HHAT: variants seen among roughly 807,000 people sequenced by gnomAD.
HHAT encodes the protein protein-cysteine N-palmitoyltransferase HHAT.
HHAT carries 47 observed loss-of-function variants against 70.8 expected under a neutral mutation model. The observed-to-expected ratio is 0.66, with a 90% CI of 0.53 to 0.85. The LOEUF is 0.85. HHAT is among the 40% of genes least tolerant of loss of function. The pLI, the probability that HHAT is intolerant of heterozygous loss-of-function variation, is 0.00. For missense variants in HHAT, 609 were observed against 604.8 expected, an observed-to-expected ratio of 1.01 and a Z score of -0.07; for synonymous variants, 228 against 247.6, an observed-to-expected ratio of 0.92 and a Z score of 0.74.
At chr1:210,454,054 T>A (rs566093619) in intron 7 of HHAT, among the ~76,000 whole-genome samples, 1 of 152,086 alleles carries the variant, frequency 6.6e-6, no homozygotes, top group Non-Finnish European at 1.5e-5. Context: ...ACCCATCAGA[T>A]CTTGTGAGAC....
chr1:210,370,234 G>GA (rs1197051171), intron 3 of HHAT, among the ~76,000 whole-genome samples: 7 of 138,092 alleles, frequency 5.1e-5, no homozygotes, highest in East Asian at 2.2e-4. Flanking sequence ...GGAGTGCAGT[G>GA]CATGATCTTG....
At chr1:210,385,494 T>TTTTGTGG (rs1263846153) in intron 3 of HHAT, among the ~76,000 whole-genome samples, 1 of 152,180 alleles carries the variant, frequency 6.6e-6, no homozygotes, top group Non-Finnish European at 1.5e-5. Flanking sequence ...TCTGCTGTGC[T>TTTTGTGG]GCCTGGCTGT....
chr1:210,490,844 A>G (rs548566986), intron 8 of HHAT, among the ~76,000 whole-genome samples: 1 of 152,290 alleles, frequency 6.6e-6, no homozygotes, highest in Non-Finnish European at 1.5e-5. Context: ...TCCAAAGTAG[A>G]GATTTTTACT....
Position 210,419,483 on chromosome 1 carries a change from C to A in HHAT, c.856+1158C>A, listed in dbSNP as rs369875662. ...TTCTCTCTCCTTTTGAGGACTCCCG[C>A]AGTGGCTGACTTCTGCCTGTGCTCT... On this transcript the variant is annotated intron_variant, in intron 7 of 11. Transcript: ENST00000261458. 3.2e-3 allele frequency among the ~76,000 whole-genome samples: 481 copies of A among 152,314 alleles called. 7 individuals are homozygous for A. Among genetic ancestry groups the A allele is most frequent in the African/African-American group, 0.011 (454 of 41,578 alleles).
chr1:210,562,102 T>C (rs2095628449), intron 9 of HHAT, among the ~76,000 whole-genome samples: 1 of 152,156 alleles, frequency 6.6e-6, no homozygotes, highest in Non-Finnish European at 1.5e-5. Context: ...ACCTTAATTA[T>C]GAGATTACAA....
At chr1:210,463,501 G>T (rs1434715912) in intron 7 of HHAT, among the ~76,000 whole-genome samples, 1 of 152,066 alleles carries the variant, frequency 6.6e-6, no homozygotes. Context: ...TCCTTTTTAT[G>T]GTCTATTGTA....
intron 9 of HHAT, among the ~76,000 whole-genome samples, chr1:210,572,192 C>T (rs972079378): frequency 2.2e-4 from 33 of 152,228 alleles, no homozygotes; most frequent in African/African-American, 6.5e-4. Flanking sequence ...TGATAGGGAT[C>T]GTGAATCATA....
At chr1:210,534,038 T>A (rs971828658) in intron 9 of HHAT, among the ~76,000 whole-genome samples, 2 of 151,640 alleles carry the variant, frequency 1.3e-5, no homozygotes, top group African/African-American at 4.9e-5. Flanking sequence ...AAATGAGGAG[T>A]CTCAGGCTAC....
At chr1:210,653,144 TACA>T (rs1202308689) in intron 11 of HHAT, among the ~76,000 whole-genome samples, 5 of 152,026 alleles carry the variant, frequency 3.3e-5, no homozygotes, top group African/African-American at 1.2e-4. Flanking sequence ...CATACATACA[TACA>T]TACATACATG....
intron 1 of HHAT, among the ~76,000 whole-genome samples, chr1:210,341,481 A>G (rs2086036982): frequency 6.6e-6 from 1 of 152,218 alleles, no homozygotes; most frequent in Admixed American, 6.5e-5. Context: ...ATCAAGGAAC[A>G]GGATTTCTGC....
chr1:210,593,041 C>T (rs1662116353), intron 10 of HHAT, among the ~76,000 whole-genome samples: 1 of 152,100 alleles, frequency 6.6e-6, no homozygotes, highest in African/African-American at 2.4e-5. Flanking sequence ...TCCCCCACCC[C>T]ACGACAGACA....
At position 210,428,751 on chromosome 1, in the gene HHAT, T is replaced by C. The variant is rs550477564; in HGVS notation, c.856+10426T>C. Among the ~76,000 whole-genome samples the C allele has an allele frequency of 9.6e-4, 145 of 151,538 alleles. 2 individuals are homozygous for C. Among genetic ancestry groups the C allele is most frequent in the Admixed American group, 1.4e-3 (22 of 15,260 alleles). On this transcript the variant is annotated intron_variant, in intron 7 of 11. Transcript: ENST00000261458. Reference sequence around the variant, plus strand: ...CAGCACTTTGGAAGGCTAAGGCGAGTGGATGGCTTGAGTCCAGGAGTTTGA... The same window carrying C: ...CAGCACTTTGGAAGGCTAAGGCGAGCGGATGGCTTGAGTCCAGGAGTTTGA...
intron 3 of HHAT, among the ~76,000 whole-genome samples, chr1:210,370,268 G>C (rs984934398): frequency 4.0e-5 from 6 of 148,732 alleles, no homozygotes; most frequent in Admixed American, 6.7e-5. Flanking sequence ...TCTGCCTCCT[G>C]GGTTCAAGCG....
At chr1:210,602,789 A>T (rs1187332025) in intron 10 of HHAT, among the ~76,000 whole-genome samples, 1 of 151,838 alleles carries the variant, frequency 6.6e-6, no homozygotes, top group Non-Finnish European at 1.5e-5. Context: ...ACCCATTGGC[A>T]CCCCCACAGC....
At chr1:210,525,704 G>C (rs1398839986) in intron 9 of HHAT, among the ~76,000 whole-genome samples, 1 of 152,070 alleles carries the variant, frequency 6.6e-6, no homozygotes, top group Non-Finnish European at 1.5e-5. Flanking sequence ...ACCATATATA[G>C]CTTTATCAAT....
intron 6 of HHAT, among the ~76,000 whole-genome samples, chr1:210,416,698 C>T (rs975610833): frequency 3.3e-5 from 5 of 152,174 alleles, no homozygotes; most frequent in African/African-American, 1.2e-4. Context: ...ATAATCAAAA[C>T]ATCCCTCTCT....
chr1:210,619,253 A>G (rs57766698), intron 10 of HHAT, among the ~76,000 whole-genome samples: 5,050 of 152,042 alleles, frequency 0.033, 269 homozygotes, highest in African/African-American at 0.12. Context: ...CCTGAGAACA[A>G]AGTGATTCTA....
intron 7 of HHAT, among the ~76,000 whole-genome samples, chr1:210,436,323 C>T (rs1253997009): frequency 6.8e-6 from 1 of 146,884 alleles, no homozygotes; most frequent in Non-Finnish European, 1.5e-5. Flanking sequence ...ATCTGTATGT[C>T]TTTTTTTTTT....
At chr1:210,377,937 A>G (rs913315256) in intron 3 of HHAT, among the ~76,000 whole-genome samples, 1 of 152,232 alleles carries the variant, frequency 6.6e-6, no homozygotes, top group South Asian at 2.1e-4. Flanking sequence ...ATTTACAGAA[A>G]AAAAGGTTTT....
Sources: allele counts gnomAD v4.1 joint callset (sites outside exome capture counted in the v4.1 genomes callset), GRCh38; gene constraint gnomAD v4.1.1; transcripts MANE v1.5; gene names NCBI Gene and HGNC (gene_info 2026-07-23, HGNC 2026-07-21).